STXBP2: variants seen among roughly 807,000 people sequenced by gnomAD.
The protein encoded by STXBP2 is syntaxin-binding protein 2.
Under a neutral mutation model 72.2 loss-of-function variants are expected in STXBP2, and 47 were observed. That is an observed-to-expected ratio of 0.65 (90% CI 0.51 to 0.83). STXBP2 has a LOEUF of 0.83. Ranked by LOEUF, STXBP2 falls within the 40% of genes least tolerant of loss-of-function variation. The pLI is 0.00. For synonymous variants in STXBP2, 367 were observed against 338.7 expected, an observed-to-expected ratio of 1.08 and a Z score of -0.92; for missense variants, 702 against 807.6, an observed-to-expected ratio of 0.87 and a Z score of 1.58.
In STXBP2 at chr19:7,644,650, A is replaced by C; in HGVS notation, c.1144A>C (p.Ile382Leu). ...GGGCTCCGACGCAGAGGGGGAGAAG[A>C]TCAAGGACTCCATGAAGCTGATCGT... ...AMGSDAEGEK[I>L]KDSMKLIVPV... The change falls in exon 14 of 19, where the codon ATC becomes CTC. Residue 382 changes from isoleucine to leucine, a missense_variant. By Grantham distance (5) the Ile-to-Leu change is conservative. Coordinates refer to ENST00000221283, the MANE Select transcript of STXBP2 (RefSeq NM_006949.4). 6.2e-7 allele frequency: 1 copy of C among 1,613,532 alleles called. No individual in the cohort carries two copies. The highest frequency in any genetic ancestry group is 8.5e-7 in the Non-Finnish European group (1 of 1,179,822).
rs1356186383 is a variant in STXBP2, at chr19:7,646,348, C to G, written c.1452+4C>G. The stretch of plus-strand genomic sequence containing the variant: ...GGTCATCAAGGATGTAATGGAGGTA[C>G]TGGGTGGCAGGTCAGGGTGGGGGCC... On this transcript the variant is annotated splice_donor_region_variant and intron_variant, in intron 16 of 18. Coordinates refer to ENST00000221283, the MANE Select transcript of STXBP2 (RefSeq NM_006949.4). 3.1e-6 allele frequency: 5 copies of G among 1,600,946 alleles called. No homozygotes were observed. The highest frequency in any genetic ancestry group is 4.3e-6 in the Non-Finnish European group (5 of 1,174,774).
chr19:7,639,370 C>G lies in STXBP2; in HGVS notation c.169+270C>G, dbSNP rs10416311. 4.9e-3 allele frequency: 2,940 copies of G among 597,078 alleles called. 78 individuals are homozygous for G. Among genetic ancestry groups the G allele is most frequent in the African/African-American group, 0.047 (2,555 of 54,112 alleles). 37.0% of individuals were successfully genotyped at this position (597,078 alleles called of 1,614,324 possible). A position where few individuals can be genotyped will look rare whatever the true frequency, so the allele number is the denominator to read the frequency against. On this transcript the variant is annotated intron_variant, in intron 3 of 18. Transcript: ENST00000221283. ...CTGACCGTGCAGCTCCCTCGTGGAGCCCTGTGTGGGACTCCCAGGGTGGAC... is the reference window on the plus strand; with the variant it reads ...CTGACCGTGCAGCTCCCTCGTGGAGGCCTGTGTGGGACTCCCAGGGTGGAC...
chr19:7,644,763 G>C lies in STXBP2; in HGVS notation c.1246+11G>C, dbSNP rs1228029452. ...TCCTCCTTCGGAATGGTGGGTGGGG[G>C]CTGCAGGGAGTTGGAACGTCCCCAT... On this transcript the variant is annotated intron_variant, in intron 14 of 18. Coordinates refer to ENST00000221283, the MANE Select transcript of STXBP2 (RefSeq NM_006949.4). The C allele has an allele frequency of 1.2e-6, 2 of 1,613,446 alleles. No individual in the cohort carries two copies. Among genetic ancestry groups the C allele is most frequent in the Non-Finnish European group, 1.7e-6 (2 of 1,179,820 alleles).
At chr19:7,632,705 C>T (rs185048485), upstream of STXBP2, 4,867 of 1,553,016 alleles carry the variant, frequency 3.1e-3, 19 homozygotes, top group Non-Finnish European at 3.7e-3. This position sits in a 1 kb window ranked among gnomAD's most constrained non-coding sequence, Gnocchi z 5.2. Context: ...CACCCCCGTG[C>T]CCATGCTCAC....
rs56183260 is a variant in STXBP2 at position 7,641,629 on chromosome 19, G to C, written c.430-76G>C. ...CCAGGGACGGCTCCCAGGAGGTGCA[G>C]GTGGCGGCAGCGGGAAGCGGGGCAG... On this transcript the variant is annotated intron_variant, in intron 6 of 18. Transcript: ENST00000221283. 5.8e-6 allele frequency: 9 copies of C among 1,543,478 alleles called. No homozygotes were observed. The African/African-American group carries it at 1.1e-4, about 19-fold the overall frequency.
At chr19:7,629,974 C>T in the STXBP2 span, 37 of 1,280,258 alleles carry the variant, frequency 2.9e-5, no homozygotes, top group South Asian at 4.8e-5. Context: ...GGAGAAAGCT[C>T]TTAAGATTTG....
upstream of STXBP2, among the ~76,000 whole-genome samples, chr19:7,635,727 G>A (rs1405010903): frequency 6.6e-6 from 1 of 152,090 alleles, no homozygotes; most frequent in African/African-American, 2.4e-5. Context: ...AAATGGGGAG[G>A]AGGGAGAAGA....
intron 4 of STXBP2, chr19:7,640,351 TG>T (rs1475659537): frequency 2.2e-6 from 1 of 448,686 alleles, no homozygotes; most frequent in Non-Finnish European, 3.9e-6. Flanking sequence ...TGTATGCGTC[TG>T]TGCATGTGTG....
intron 16 of STXBP2, 48 bp downstream of exon 16, chr19:7,646,392 G>T (rs1599406757): frequency 1.3e-6 from 2 of 1,527,818 alleles, no homozygotes; most frequent in Middle Eastern, 1.7e-4. Context: ...GCATCGGCTG[G>T]CGGCTCAGCC....
chr19:7,641,607 G>A, intron 6 of STXBP2, 98 bp from the exon 7 acceptor site: 1 of 1,517,472 alleles, frequency 6.6e-7, no homozygotes, highest in Non-Finnish European at 8.9e-7. Context: ...TCAGGGACCA[G>A]GGACGGCTCC....
chr19:7,642,653 T>G lies in STXBP2; in HGVS notation c.903-113T>G, dbSNP rs2031941228. The G allele has an allele frequency of 1.3e-6, 2 of 1,484,794 alleles. No individual in the cohort carries two copies. Among genetic ancestry groups the G allele is most frequent in the Non-Finnish European group, 1.9e-6 (2 of 1,069,326 alleles). The allele number at this position is 1,484,794 out of a possible 1,614,324, so 92.0% of individuals were successfully genotyped here. ...CCCTCATGAGCACCCCTCGTGTGACTCCAGACTGGCCTCCAATTTCACCCC... is the reference window on the plus strand; with the variant it reads ...CCCTCATGAGCACCCCTCGTGTGACGCCAGACTGGCCTCCAATTTCACCCC... On this transcript the variant is annotated intron_variant, in intron 10 of 18. Transcript: ENST00000221283. The surrounding 1 kb of genome is among the most constrained non-coding windows in gnomAD (Gnocchi z 6.0).
rs2031943108 is a variant in STXBP2 at position 7,642,696 on chromosome 19, C to T, written c.903-70C>T. On this transcript the variant is annotated intron_variant, in intron 10 of 18. Transcript: ENST00000221283. This position sits in a 1 kb window ranked among gnomAD's most constrained non-coding sequence, Gnocchi z 6.0. ...TTCACCCCACCTCTCCCTGTCCCCC[C>T]TGAGTGGGCTCACCCATGGCCTGTG... The T allele has an allele frequency of 7.2e-6, 11 of 1,538,248 alleles. No homozygotes were observed. The highest frequency in any genetic ancestry group is 8.0e-6 in the Non-Finnish European group (9 of 1,118,164).
Position 7,641,860 on chromosome 19 carries a change from A to ACGC in STXBP2, c.578+8_578+9insGCC. On this transcript the variant is annotated splice_region_variant and intron_variant, in intron 7 of 18. Transcript: ENST00000221283. ...CGGCCATCCGCTACCGCAAGTGGGG[A>ACGC]CCCCACCCAGCCCCACCCCGATGCC... 6.5e-6 allele frequency: 10 copies of ACGC among 1,548,808 alleles called. No individual in the cohort carries two copies. The highest frequency in any genetic ancestry group is 7.0e-6 in the Non-Finnish European group (8 of 1,146,490).
At chr19:7,646,138 C>T (rs2032127135) in intron 15 of STXBP2, 111 bp from the exon 16 acceptor site, 1 of 797,380 alleles carries the variant, frequency 1.3e-6, no homozygotes. Context: ...TGTTCCACTT[C>T]CCCATCTTTG....
chr19:7,638,445 A>T (rs544141634), intron 1 of STXBP2, among the ~76,000 whole-genome samples: 2 of 152,232 alleles, frequency 1.3e-5, no homozygotes, highest in African/African-American at 4.8e-5. Context: ...ATACAGAAAT[A>T]AAAATAAATT....
chr19:7,629,864 A>G, the STXBP2 span: 2 of 1,533,704 alleles, frequency 1.3e-6, no homozygotes, highest in Non-Finnish European at 1.7e-6. Flanking sequence ...ATTTCGGGTC[A>G]GTGGACACAG....
At chr19:7,645,082 C>T in intron 14 of STXBP2, 115 bp from the exon 15 acceptor site, 1 of 1,461,068 alleles carries the variant, frequency 6.8e-7, no homozygotes, top group Middle Eastern at 2.1e-4. Flanking sequence ...GAGGCCCTCC[C>T]CACTGCAAGG....
upstream of STXBP2, chr19:7,632,305 C>T: frequency 6.4e-7 from 1 of 1,567,100 alleles, no homozygotes; most frequent in Non-Finnish European, 8.7e-7. The surrounding 1 kb of genome is among the most constrained non-coding windows in gnomAD (Gnocchi z 5.2). Flanking sequence ...ATGGGGCAGG[C>T]CCTGTTCCCT....
chr19:7,645,828 T>C (rs2032111262), intron 15 of STXBP2: 1 of 301,600 alleles, frequency 3.3e-6, no homozygotes, highest in Non-Finnish European at 6.3e-6. Flanking sequence ...TTTCTCCATA[T>C]CTCTCTCTCT....
Sources: allele counts gnomAD v4.1 joint callset (sites outside exome capture counted in the v4.1 genomes callset), GRCh38; gene constraint gnomAD v4.1.1; non-coding constraint Gnocchi (gnomAD v3.1); transcripts MANE v1.5; gene names NCBI Gene and HGNC (gene_info 2026-07-23, HGNC 2026-07-21).